SH3BP4: variants seen among roughly 807,000 people sequenced by gnomAD.
SH3BP4 encodes SH3 domain binding protein 4, also known as SH3 domain-binding protein 4.
Under a neutral mutation model 65.5 loss-of-function variants are expected in SH3BP4, and 33 were observed. That is an observed-to-expected ratio of 0.50 (90% CI 0.38 to 0.67). The LOEUF (loss-of-function observed/expected upper bound fraction) is 0.67. SH3BP4 is among the 30% of genes least tolerant of loss of function. The probability of loss-of-function intolerance (pLI) is 0.00; values close to 1 mark genes in which losing one functional copy is unlikely to be tolerated. For synonymous variants in SH3BP4, 552 were observed against 545.5 expected (o/e 1.01, Z -0.17); for missense variants, 1,134 against 1,261.4 (o/e 0.90, Z 1.53).
In SH3BP4 at chr2:235,041,744, C is replaced by T. The variant is rs1695655810; in HGVS notation, c.975C>T (p.Ser325=). 1 of 1,608,168 alleles carries T rather than the reference C, an allele frequency of 6.2e-7. No homozygotes were observed. Among genetic ancestry groups the T allele is most frequent in the Non-Finnish European group, 8.5e-7 (1 of 1,176,252 alleles). The change falls in exon 4 of 6, where the codon AGC becomes AGT. Residue 325 remains serine (S), a synonymous_variant. Transcript: ENST00000392011. This position sits in a 1 kb window ranked among gnomAD's most constrained non-coding sequence, Gnocchi z 6.0. ...CAAACATCGTGTGCAAGCTGGATAG[C>T]TCCGGGGGTGCTGTCCAGCTTCCTG... The part of the protein sequence containing the change: ...VETNIVCKLD[S]SGGAVQLPDT...
At chr2:235,029,022 A>G (rs1695093484) in intron 2 of SH3BP4, among the ~76,000 whole-genome samples, 1 of 152,144 alleles carries the variant, frequency 6.6e-6, no homozygotes, top group Admixed American at 6.5e-5. Context: ...CAGAGTCTGG[A>G]GGGTGTCTGA....
chr2:234,979,727 A>G (rs1693301469), intron 1 of SH3BP4: 1 of 152,240 alleles, frequency 6.6e-6, no homozygotes, highest in Admixed American at 6.5e-5. Flanking sequence ...CAAGGAACTG[A>G]GGGTGGCCTC....
rs753523024 is a variant in SH3BP4 at position 235,042,028 on chromosome 2, C to T, written c.1259C>T (p.Ser420Leu). ...TVGLQCLRSD[S>L]KEGPYVSVPL... ...GGCCTCCAGTGCCTGAGGAGCGACT[C>T]GAAGGAAGGGCCATATGTCTCCGTC... The change falls in exon 4 of 6, where the codon TCG becomes TTG. Residue 420 changes from serine to leucine, a missense_variant. Transcript: ENST00000392011. The surrounding 1 kb of genome is among the most constrained non-coding windows in gnomAD (Gnocchi z 7.3). 2.2e-5 allele frequency: 35 copies of T among 1,613,930 alleles called. No individual in the cohort carries two copies. The highest frequency in any genetic ancestry group is 1.8e-5 in the Non-Finnish European group (21 of 1,180,028).
At chr2:235,013,611 A>G (rs1242922471) in intron 2 of SH3BP4, among the ~76,000 whole-genome samples, 1 of 152,158 alleles carries the variant, frequency 6.6e-6, no homozygotes, top group African/African-American at 2.4e-5. Context: ...CTGCCTCAAG[A>G]GCTCCCAATG....
At chr2:234,959,841 G>A (rs1692667987) in intron 1 of SH3BP4, among the ~76,000 whole-genome samples, 1 of 151,918 alleles carries the variant, frequency 6.6e-6, no homozygotes, top group Non-Finnish European at 1.5e-5. Context: ...CAGTAGAGGT[G>A]GGGTTTTACC....
chr2:235,052,563 C>A lies in SH3BP4; in HGVS notation c.2480C>A (p.Ala827Asp). Residue 827 changes from alanine (A) to aspartate (D), a missense_variant and splice_region_variant, in exon 5 of 6, where the codon GCC (alanine) becomes GAC (aspartate). Transcript: ENST00000392011. The surrounding 1 kb of genome is among the most constrained non-coding windows in gnomAD (Gnocchi z 5.0). ...CGCTGTGTGCCTCTTCCTCTGCAGG[C>A]CCTACTGAAGATGGACTGCCAGGGC... ...RKSFQKELVMALLKMDCQGLV... is the reference protein window; with the variant it reads ...RKSFQKELVMDLLKMDCQGLV... 6.5e-7 allele frequency: 1 copy of A among 1,546,658 alleles called. No individual in the cohort carries two copies.
chr2:235,000,863 GCACTGGTGGTGTCTC>G (rs1559238475), intron 2 of SH3BP4, among the ~76,000 whole-genome samples: 1 of 152,210 alleles, frequency 6.6e-6, no homozygotes, highest in Non-Finnish European at 1.5e-5. Flanking sequence ...GCCTTTTTCT[GCACTGGTGGTGTCTC>G]CCCATCGCCC....
chr2:234,980,924 G>C (rs975385637), intron 1 of SH3BP4, among the ~76,000 whole-genome samples: 2 of 152,074 alleles, frequency 1.3e-5, no homozygotes, highest in African/African-American at 2.4e-5. Context: ...GGGTCTCACT[G>C]TGTCGCCCAG....
At chr2:235,019,219 T>C (rs1694776435) in intron 2 of SH3BP4, among the ~76,000 whole-genome samples, 1 of 151,122 alleles carries the variant, frequency 6.6e-6, no homozygotes, top group African/African-American at 2.4e-5. Flanking sequence ...GTGGAGGGAG[T>C]GGAACCAGGG....
chr2:235,015,233 TG>T (rs1338873260), intron 2 of SH3BP4, among the ~76,000 whole-genome samples: 1 of 152,206 alleles, frequency 6.6e-6, no homozygotes, highest in Non-Finnish European at 1.5e-5. Context: ...GTGGAACACT[TG>T]GGAAGCAGCA....
intron 2 of SH3BP4, among the ~76,000 whole-genome samples, chr2:235,017,164 C>T (rs190305162): frequency 6.9e-6 from 1 of 145,214 alleles, no homozygotes; most frequent in African/African-American, 2.6e-5. Flanking sequence ...TCACATTTCT[C>T]GTATTTTAAA....
At chr2:234,989,839 C>T (rs113182214) in intron 1 of SH3BP4, among the ~76,000 whole-genome samples, 24 of 152,250 alleles carry the variant, frequency 1.6e-4, no homozygotes, top group South Asian at 6.2e-4. Flanking sequence ...ATTTGGCCCG[C>T]GGGCTGTAGT....
In SH3BP4 at chr2:234,973,949, G is replaced by T. The variant is rs369256017; in HGVS notation, c.-206-21354G>T. On this transcript the variant is annotated intron_variant, in intron 1 of 5. Coordinates refer to ENST00000392011, the MANE Select transcript of SH3BP4 (RefSeq NM_014521.3). ...TGCACCTGGCCAAGCCTGGATTTTT[G>T]GGGGGCTGTGAGGCTGCACTGCCAA... Among the ~76,000 whole-genome samples the T allele has an allele frequency of 3.0e-4, 45 of 152,180 alleles. No individual in the cohort carries two copies. The East Asian group carries it at 6.0e-3, about 20-fold the overall frequency.
rs1024467333 is a variant in SH3BP4 at position 234,991,678 on chromosome 2, C to G, written c.-206-3625C>G. ...AGTGCTTGACTGAAAGATCGTACCCCCCTCTTCTCAGCAAGGCGGTCCTTG... is the reference window on the plus strand; with the variant it reads ...AGTGCTTGACTGAAAGATCGTACCCGCCTCTTCTCAGCAAGGCGGTCCTTG... On this transcript the variant is annotated intron_variant, in intron 1 of 5. Transcript: ENST00000392011. The surrounding 1 kb of genome is among the most constrained non-coding windows in gnomAD (Gnocchi z 4.2). Among the ~76,000 whole-genome samples the G allele has an allele frequency of 2.0e-5, 3 of 152,222 alleles. No homozygotes were observed. Among genetic ancestry groups the G allele is most frequent in the East Asian group, 1.9e-4 (1 of 5,188 alleles).
At chr2:234,989,638 G>C (rs1306816327) in intron 1 of SH3BP4, among the ~76,000 whole-genome samples, 1 of 152,174 alleles carries the variant, frequency 6.6e-6, no homozygotes, top group African/African-American at 2.4e-5. Context: ...CCACTGTTTT[G>C]GTTGCACAGA....
chr2:234,961,855 G>C (rs553380130), intron 1 of SH3BP4, among the ~76,000 whole-genome samples: 116 of 95,574 alleles, frequency 1.2e-3, no homozygotes, highest in Non-Finnish European at 1.9e-3. Context: ...AGTTCCTGAA[G>C]TTCCTGGAGG....
intron 1 of SH3BP4, among the ~76,000 whole-genome samples, chr2:234,979,189 T>C (rs1395821168): frequency 6.6e-6 from 1 of 152,150 alleles, no homozygotes; most frequent in Non-Finnish European, 1.5e-5. Context: ...ACAAAAACAA[T>C]GAACACTTGT....
At chr2:234,994,240 C>T (rs1693845066) in intron 1 of SH3BP4, among the ~76,000 whole-genome samples, 1 of 152,130 alleles carries the variant, frequency 6.6e-6, no homozygotes, top group Non-Finnish European at 1.5e-5. Context: ...GAACACCAGC[C>T]AGTTGTCCTA....
intron 2 of SH3BP4, among the ~76,000 whole-genome samples, chr2:235,015,961 C>G (rs1161839288): frequency 1.3e-5 from 2 of 151,894 alleles, no homozygotes; most frequent in African/African-American, 4.8e-5. Context: ...CGTGGGGTCC[C>G]CTGTGCTCAT....
Sources: allele counts gnomAD v4.1 joint callset (sites outside exome capture counted in the v4.1 genomes callset), GRCh38; gene constraint gnomAD v4.1.1; non-coding constraint Gnocchi (gnomAD v3.1); transcripts MANE v1.5; gene names NCBI Gene and HGNC (gene_info 2026-07-23, HGNC 2026-07-21).